Variants in TDRD1 observed in about 807,000 individuals in gnomAD.
TDRD1 encodes tudor domain-containing protein 1.
A neutral mutation model predicts 140.6 loss-of-function variants in TDRD1; 37 were observed. That is an observed-to-expected ratio of 0.26 (90% CI 0.20 to 0.35). The LOEUF (loss-of-function observed/expected upper bound fraction) is 0.35. Among genes scored for constraint, TDRD1 ranks in the 10% least tolerant of loss-of-function variants. TDRD1 has a pLI of 1.00. For missense variants in TDRD1, 1,243 were observed against 1,393.0 expected, an observed-to-expected ratio of 0.89 and a Z score of 1.71; for synonymous variants, 506 against 475.7, an observed-to-expected ratio of 1.06 and a Z score of -0.83.
intron 25 of TDRD1, among the ~76,000 whole-genome samples, chr10:114,229,270 T>A (rs2036617123): frequency 1.3e-5 from 2 of 152,210 alleles, no homozygotes; most frequent in Admixed American, 1.3e-4. Flanking sequence ...GAGGTGGCTA[T>A]AATACTCTTC....
chr10:114,201,861 G>A (rs1318373880), intron 5 of TDRD1, among the ~76,000 whole-genome samples: 2 of 152,116 alleles, frequency 1.3e-5, no homozygotes, highest in Non-Finnish European at 2.9e-5. Flanking sequence ...TACATAAATT[G>A]TACTTGCATG....
intron 6 of TDRD1, among the ~76,000 whole-genome samples, chr10:114,202,719 G>C (rs2034840011): frequency 6.6e-6 from 1 of 152,164 alleles, no homozygotes; most frequent in African/African-American, 2.4e-5. Context: ...TTCTTTAACT[G>C]CTTCTAGCCT....
At chr10:114,231,682 A>G (rs934793750) in exon 26 of TDRD1, 5 of 535,422 alleles carry the variant, frequency 9.3e-6, no homozygotes, top group Admixed American at 4.1e-5. Flanking sequence ...ATTTTCCTCT[A>G]AGTTCCTTCC....
At chr10:114,226,195 A>G in exon 22 of TDRD1, 1 of 1,613,272 alleles carries the variant, frequency 6.2e-7, no homozygotes, top group South Asian at 1.1e-5. Context: ...TCCTTTCCAA[A>G]TTATTAGATG....
intron 14 of TDRD1, 146 bp from the exon 15 acceptor site, chr10:114,213,200 C>T: frequency 1.4e-6 from 1 of 722,116 alleles, no homozygotes; most frequent in Non-Finnish European, 2.2e-6. Flanking sequence ...GTTAATTATG[C>T]ATTCATTTTT....
rs1190439637 is a variant in TDRD1 at position 114,212,650 on chromosome 10, A to G, written c.1831+614A>G. Among the ~76,000 whole-genome samples, 3 of 152,130 alleles carry G rather than the reference A, an allele frequency of 2.0e-5. No individual in the cohort carries two copies. In the East Asian group the frequency reaches 5.8e-4, roughly 29 times the overall value. On this transcript the variant is annotated intron_variant, in intron 14 of 25. Transcript: ENST00000251864. ...AAACTGACTGAAGCATAACTGTTGG[A>G]TTGCTGATTTGTAAGTGCCCTTTCA...
intron 20 of TDRD1, among the ~76,000 whole-genome samples, chr10:114,222,103 G>GC (rs1181935899): frequency 1.3e-5 from 2 of 152,180 alleles, no homozygotes. Flanking sequence ...CTGTGGTAAT[G>GC]CCAATAACTG....
intron 11 of TDRD1, among the ~76,000 whole-genome samples, chr10:114,209,199 C>G (rs1226216523): frequency 6.6e-6 from 1 of 152,110 alleles, no homozygotes; most frequent in Non-Finnish European, 1.5e-5. Context: ...CCACCACACT[C>G]CAGCATGGGC....
chr10:114,199,002 T>C (rs904383465), intron 3 of TDRD1, among the ~76,000 whole-genome samples, 171 bp from the exon 4 acceptor site: 9 of 152,206 alleles, frequency 5.9e-5, no homozygotes, highest in African/African-American at 2.2e-4. Context: ...TTTCCCACTT[T>C]GAGTCACCGT....
intron 16 of TDRD1, among the ~76,000 whole-genome samples, chr10:114,216,035 A>G (rs1193498537): frequency 6.6e-6 from 1 of 152,172 alleles, no homozygotes; most frequent in Non-Finnish European, 1.5e-5. Flanking sequence ...TTTTTAAATA[A>G]CAGTTTTTAT....
At chr10:114,225,637 A>T (rs959802308) in intron 21 of TDRD1, among the ~76,000 whole-genome samples, 8 of 152,102 alleles carry the variant, frequency 5.3e-5, no homozygotes, top group Non-Finnish European at 1.2e-4. Flanking sequence ...AGGCAGTAGG[A>T]TAGCTTGAAT....
At chr10:114,203,397 A>G in exon 8 of TDRD1, 1 of 1,596,542 alleles carries the variant, frequency 6.3e-7, no homozygotes, top group Non-Finnish European at 8.5e-7. Context: ...GGGTACGGTT[A>G]CCGAATTCAA....
intron 8 of TDRD1, 152 bp downstream of exon 8, chr10:114,203,719 C>T (rs926953931): frequency 1.4e-5 from 10 of 727,396 alleles, no homozygotes; most frequent in South Asian, 2.1e-5. Flanking sequence ...CTCTGTTCAC[C>T]TTGCTTCCTC....
chr10:114,186,694 T>G (rs918338627), intron 1 of TDRD1, among the ~76,000 whole-genome samples: 6 of 152,156 alleles, frequency 3.9e-5, no homozygotes, highest in Non-Finnish European at 8.8e-5. Context: ...CTGCAGGATC[T>G]CCCCCATCGC....
upstream of TDRD1, among the ~76,000 whole-genome samples, chr10:114,177,574 A>G (rs2032723713): frequency 6.6e-6 from 1 of 152,230 alleles, no homozygotes; most frequent in Non-Finnish European, 1.5e-5. Flanking sequence ...AGGAAGTCCC[A>G]TGGCCAAGAA....
At chr10:114,177,447 G>A (rs1049269884), upstream of TDRD1, among the ~76,000 whole-genome samples, 4 of 152,068 alleles carry the variant, frequency 2.6e-5, no homozygotes, top group African/African-American at 7.2e-5. Flanking sequence ...CCAATAACCC[G>A]TAACTCCTTT....
intron 11 of TDRD1, among the ~76,000 whole-genome samples, chr10:114,208,937 A>G (rs1177101891): frequency 6.6e-6 from 1 of 151,932 alleles, no homozygotes; most frequent in Non-Finnish European, 1.5e-5. Context: ...GCACGCCACC[A>G]TGCCCAGCTG....
chr10:114,183,502 A>G (rs2120007130), intron 1 of TDRD1, among the ~76,000 whole-genome samples: 1 of 152,282 alleles, frequency 6.6e-6, no homozygotes, highest in Non-Finnish European at 1.5e-5. Context: ...ACTCATTGTT[A>G]TTTATAATGT....
At chr10:114,187,319 C>T (rs1404083043) in intron 1 of TDRD1, among the ~76,000 whole-genome samples, 1 of 151,968 alleles carries the variant, frequency 6.6e-6, no homozygotes, top group African/African-American at 2.4e-5. Context: ...TGAAGCCTGC[C>T]CAGGATGGTC....
Sources: allele counts gnomAD v4.1 joint callset (sites outside exome capture counted in the v4.1 genomes callset), GRCh38; gene constraint gnomAD v4.1.1; transcripts MANE v1.5; gene names NCBI Gene and HGNC (gene_info 2026-07-23, HGNC 2026-07-21).